Variants in APBB2 observed in about 807,000 individuals in gnomAD.
The protein encoded by APBB2 is Fe65-like 1.
APBB2 carries 38 observed loss-of-function variants against 82.5 expected under a neutral mutation model. The observed-to-expected ratio is 0.46, with a 90% CI of 0.36 to 0.60. APBB2 has a LOEUF of 0.60. APBB2 is among the 20% of genes least tolerant of loss of function. APBB2 has a pLI of 0.00. For missense variants in APBB2, 772 were observed against 972.3 expected (o/e 0.79, Z 2.74); for synonymous variants, 341 against 368.2 (o/e 0.93, Z 0.85).
At chr4:41,134,121 C>G (rs113866444) in intron 2 of APBB2, among the ~76,000 whole-genome samples, 1 of 152,136 alleles carries the variant, frequency 6.6e-6, no homozygotes, top group South Asian at 2.1e-4. Flanking sequence ...TAGGCATGTG[C>G]CACCATACCT....
At chr4:41,004,613 G>C (rs554207168) in intron 6 of APBB2, among the ~76,000 whole-genome samples, 2 of 151,518 alleles carry the variant, frequency 1.3e-5, no homozygotes, top group African/African-American at 4.9e-5. Context: ...AAGGCGGGTG[G>C]ATCATGAGGT....
At position 40,820,230 on chromosome 4, in the gene APBB2, G is replaced by A. The variant is rs1254078689; in HGVS notation, c.2112+1641C>T. On this transcript the variant is annotated intron_variant, in intron 17 of 17. Transcript: ENST00000508593. ...GCCTCTGCTCCTGTTTGTTCCCAACGCTGCTCTCCTAGCGTGGACGCTCCT... is the reference window on the plus strand; with the variant it reads ...GCCTCTGCTCCTGTTTGTTCCCAACACTGCTCTCCTAGCGTGGACGCTCCT... 3.9e-5 allele frequency among the ~76,000 whole-genome samples: 6 copies of A among 152,314 alleles called. No individual in the cohort carries two copies. In the South Asian group the frequency reaches 8.3e-4, roughly 21 times the overall value.
intron 6 of APBB2, among the ~76,000 whole-genome samples, chr4:40,979,449 AT>A (rs995507116): frequency 1.3e-5 from 2 of 152,108 alleles, no homozygotes; most frequent in African/African-American, 2.4e-5. Context: ...TTATTTACTT[AT>A]TTTTATCTCT....
chr4:40,858,831 C>T (rs1318035305), intron 12 of APBB2, among the ~76,000 whole-genome samples: 1 of 152,214 alleles, frequency 6.6e-6, no homozygotes, highest in African/African-American at 2.4e-5. Flanking sequence ...CGATCAGTAA[C>T]ACTTCAATTA....
intron 10 of APBB2, among the ~76,000 whole-genome samples, chr4:40,910,750 C>T (rs1778327753): frequency 6.6e-6 from 1 of 152,246 alleles, no homozygotes; most frequent in East Asian, 1.9e-4. Flanking sequence ...AATATCATGG[C>T]AAGGCTAGGC....
At chr4:40,930,444 TGTGTGC>T (rs371520143) in intron 10 of APBB2, among the ~76,000 whole-genome samples, 4,990 of 60,772 alleles carry the variant, frequency 0.082, 114 homozygotes, top group East Asian at 0.19. Context: ...TGTGTGTGTG[TGTGTGC>T]GCGCGCGCGC....
chr4:41,023,717 T>G (rs929281301), intron 5 of APBB2, among the ~76,000 whole-genome samples: 1 of 152,162 alleles, frequency 6.6e-6, no homozygotes, highest in African/African-American at 2.4e-5. Flanking sequence ...CCCATGCTCA[T>G]GGGTAGGAAG....
At chr4:41,198,819 C>T (rs896343130) in intron 1 of APBB2, among the ~76,000 whole-genome samples, 4 of 152,204 alleles carry the variant, frequency 2.6e-5, no homozygotes, top group Non-Finnish European at 5.9e-5. Flanking sequence ...CTTCCGGTAG[C>T]CCCAAGCATC....
At chr4:40,867,903 T>A (rs1226493651) in intron 12 of APBB2, among the ~76,000 whole-genome samples, 1 of 152,012 alleles carries the variant, frequency 6.6e-6, no homozygotes, top group Non-Finnish European at 1.5e-5. Flanking sequence ...TTTATCTTCC[T>A]TTTGCAAAAT....
chr4:41,124,221 A>T (rs550481398), intron 2 of APBB2, among the ~76,000 whole-genome samples: 5 of 152,138 alleles, frequency 3.3e-5, no homozygotes, highest in South Asian at 4.2e-4. Context: ...ATTTTATTTT[A>T]TTTATTTTAT....
chr4:40,864,178 G>A (rs111753880), intron 12 of APBB2, among the ~76,000 whole-genome samples: 3 of 152,058 alleles, frequency 2.0e-5, no homozygotes, highest in East Asian at 1.9e-4. Context: ...TGCTTGAACC[G>A]GGAAGGTAGA....
chr4:40,970,453 C>T (rs149362649), intron 6 of APBB2, among the ~76,000 whole-genome samples: 15 of 152,122 alleles, frequency 9.9e-5, no homozygotes, highest in African/African-American at 3.4e-4. Flanking sequence ...AACATTGCAA[C>T]CTCTCCCCAC....
chr4:40,825,756 GA>G, intron 15 of APBB2, 130 bp downstream of exon 15: 1 of 704,524 alleles, frequency 1.4e-6, no homozygotes, highest in Non-Finnish European at 2.6e-6. Flanking sequence ...TCTGGCAGGT[GA>G]CAGTGTGACA....
At chr4:40,838,804 C>T (rs1263693255) in intron 12 of APBB2, among the ~76,000 whole-genome samples, 2 of 152,108 alleles carry the variant, frequency 1.3e-5, no homozygotes, top group Non-Finnish European at 2.9e-5. Flanking sequence ...GCCAGAACTA[C>T]TTATTCTCTC....
At chr4:40,863,990 G>C (rs963522554) in intron 12 of APBB2, among the ~76,000 whole-genome samples, 4 of 151,806 alleles carry the variant, frequency 2.6e-5, no homozygotes, top group African/African-American at 9.7e-5. Context: ...TGGGTGCAGT[G>C]GCTCACGCCT....
chr4:40,866,214 G>T (rs1455748007), intron 12 of APBB2, among the ~76,000 whole-genome samples: 2 of 152,084 alleles, frequency 1.3e-5, no homozygotes, highest in African/African-American at 4.8e-5. Flanking sequence ...AGATGGATGG[G>T]CAACTGTCTC....
chr4:40,935,681 A>G (rs916457721), intron 7 of APBB2: 6 of 152,282 alleles, frequency 3.9e-5, no homozygotes, highest in African/African-American at 1.4e-4. Flanking sequence ...GACTGACATC[A>G]ACACTTGGCG....
intron 7 of APBB2, among the ~76,000 whole-genome samples, chr4:40,942,240 T>TGC (rs1307729934): frequency 1.3e-5 from 2 of 152,222 alleles, no homozygotes; most frequent in Non-Finnish European, 2.9e-5. Flanking sequence ...TTTTGCCCTG[T>TGC]TGCTTTCTGA....
chr4:41,180,251 G>A (rs957319994), intron 1 of APBB2, among the ~76,000 whole-genome samples: 33 of 152,146 alleles, frequency 2.2e-4, no homozygotes, highest in African/African-American at 2.7e-4. Flanking sequence ...TGTGAATCCC[G>A]AATAAATCAA....
Sources: gnomAD v4.1 joint callset for allele counts (sites outside exome capture counted in the v4.1 genomes callset) on GRCh38, gnomAD v4.1.1 for gene constraint, MANE v1.5 for transcripts, NCBI Gene and HGNC (gene_info 2026-07-23, HGNC 2026-07-21) for gene names.